Variants in ADGRB3 observed in about 807,000 individuals in gnomAD.
The protein encoded by ADGRB3 is brain-specific angiogenesis inhibitor 3.
ADGRB3 carries 37 observed loss-of-function variants against 193.4 expected under a neutral mutation model. The observed-to-expected ratio is 0.19, with a 90% confidence interval of 0.15 to 0.25. The LOEUF (loss-of-function observed/expected upper bound fraction) is 0.25. ADGRB3 is among the 10% of genes least tolerant of loss of function. The pLI, the probability that ADGRB3 is intolerant of heterozygous loss-of-function variation, is 1.00. For synonymous variants in ADGRB3, 690 were observed against 644.2 expected, an observed-to-expected ratio of 1.07 and a Z score of -1.08; for missense variants, 1,637 against 1,852.9, an observed-to-expected ratio of 0.88 and a Z score of 2.14.
chr6:68,852,175 CAT>C (rs978977987), intron 3 of ADGRB3, among the ~76,000 whole-genome samples: 4 of 151,828 alleles, frequency 2.6e-5, no homozygotes, highest in Non-Finnish European at 4.4e-5. Flanking sequence ...TCAAATACCA[CAT>C]ACTTACAAAT....
chr6:69,062,428 G>A (rs752297662), intron 15 of ADGRB3, among the ~76,000 whole-genome samples: 1 of 151,826 alleles, frequency 6.6e-6, no homozygotes, highest in African/African-American at 2.4e-5. Context: ...TCAATAATTA[G>A]CAACAGCATT....
intron 3 of ADGRB3, among the ~76,000 whole-genome samples, chr6:68,876,696 G>A (rs1359854169): frequency 6.6e-6 from 1 of 152,074 alleles, no homozygotes; most frequent in African/African-American, 2.4e-5. Flanking sequence ...TGTACCAAAA[G>A]CAACATTTCA....
chr6:68,680,732 G>A (rs1486979177), intron 3 of ADGRB3, among the ~76,000 whole-genome samples: 2 of 152,120 alleles, frequency 1.3e-5, no homozygotes, highest in Non-Finnish European at 2.9e-5. Context: ...AGATAAGTAG[G>A]TAAATCATAC....
intron 3 of ADGRB3, among the ~76,000 whole-genome samples, chr6:68,710,828 A>C (rs536153741): frequency 1.3e-5 from 2 of 152,170 alleles, no homozygotes; most frequent in African/African-American, 2.4e-5. Context: ...CTTTACGGGA[A>C]TTGAACTCCT....
intron 17 of ADGRB3, among the ~76,000 whole-genome samples, chr6:69,141,287 C>T (rs900790250): frequency 2.6e-5 from 4 of 151,976 alleles, no homozygotes; most frequent in Non-Finnish European, 5.9e-5. Context: ...CCATGCCCGG[C>T]TAATTTTTTG....
chr6:68,983,756 A>C (rs999300299), intron 10 of ADGRB3, among the ~76,000 whole-genome samples: 1 of 152,054 alleles, frequency 6.6e-6, no homozygotes, highest in Non-Finnish European at 1.5e-5. Context: ...AATAATTACA[A>C]ATTCTTATAT....
intron 3 of ADGRB3, among the ~76,000 whole-genome samples, chr6:68,691,532 A>G (rs1765072491): frequency 6.6e-6 from 1 of 152,048 alleles, no homozygotes; most frequent in Non-Finnish European, 1.5e-5. Context: ...TAGTGTATTT[A>G]AAATTATGAT....
At chr6:69,261,515 G>A (rs117267442) in intron 20 of ADGRB3, among the ~76,000 whole-genome samples, 2,937 of 152,096 alleles carry the variant, frequency 0.019, 49 homozygotes, top group Non-Finnish European at 0.031. Context: ...TTTGAAAATT[G>A]TAGAGCCTCA....
intron 20 of ADGRB3, among the ~76,000 whole-genome samples, chr6:69,323,059 A>G (rs1768496145): frequency 6.6e-6 from 1 of 152,036 alleles, no homozygotes. Context: ...TACAGAAAGT[A>G]AATGTTAAAA....
At chr6:69,248,597 A>G (rs563197397) in intron 20 of ADGRB3, among the ~76,000 whole-genome samples, 1 of 152,354 alleles carries the variant, frequency 6.6e-6, no homozygotes, top group African/African-American at 2.4e-5. Context: ...CTTTTGTTGT[A>G]AAGGGCCATA....
At chr6:68,672,932 C>T in intron 3 of ADGRB3, among the ~76,000 whole-genome samples, 1 of 152,072 alleles carries the variant, frequency 6.6e-6, no homozygotes, top group Non-Finnish European at 1.5e-5. Context: ...GCAATATCAA[C>T]TCTTCCCTGC....
chr6:68,949,558 C>T (rs1286423622), intron 6 of ADGRB3, among the ~76,000 whole-genome samples: 1 of 152,110 alleles, frequency 6.6e-6, no homozygotes, highest in Non-Finnish European at 1.5e-5. Flanking sequence ...TGCAGGGTGC[C>T]CTTCTGGTGA....
intron 3 of ADGRB3, among the ~76,000 whole-genome samples, chr6:68,687,745 A>C (rs1765009317): frequency 6.6e-6 from 1 of 152,310 alleles, no homozygotes; most frequent in East Asian, 1.9e-4. Flanking sequence ...TGTAACTCAC[A>C]CAGATAAATG....
chr6:68,716,343 A>G (rs1318531687), intron 3 of ADGRB3, among the ~76,000 whole-genome samples: 1 of 151,694 alleles, frequency 6.6e-6, no homozygotes, highest in Non-Finnish European at 1.5e-5. Flanking sequence ...GAAAGATTGA[A>G]TTGTTATTAT....
rs369302716 is a variant in ADGRB3, at chr6:69,284,314, C to G, written c.2815-40558C>G. On this transcript the variant is annotated intron_variant, in intron 20 of 31. Transcript: ENST00000370598. ...CATAGTCATCGTATTTTTTCCACTA[C>G]ATTTGTAGTCCAGGCTTCCTCTTGA... 1.6e-4 allele frequency among the ~76,000 whole-genome samples: 24 copies of G among 152,258 alleles called. 1 individual carries two copies. The South Asian group carries it at 4.8e-3, about 30-fold the overall frequency.
At chr6:69,302,632 A>G (rs1767971250) in intron 20 of ADGRB3, among the ~76,000 whole-genome samples, 2 of 151,978 alleles carry the variant, frequency 1.3e-5, no homozygotes, top group Non-Finnish European at 2.9e-5. Flanking sequence ...TACTCTATGG[A>G]AAGGATTTCA....
chr6:69,338,912 G>T lies in ADGRB3; in HGVS notation c.3189-4G>T, dbSNP rs76401347. The T allele has an allele frequency of 6.2e-7, 1 of 1,610,846 alleles. No homozygotes were observed. Among genetic ancestry groups the T allele is most frequent in the Admixed American group, 1.7e-5 (1 of 59,600 alleles). ...CTTTTTGTGGGTGTTCTGTTTGTTT[G>T]CAGTCAGATGAGTGAGCCTCATAGC... On this transcript the variant is annotated splice_polypyrimidine_tract_variant and splice_region_variant and intron_variant, in intron 24 of 31. Coordinates refer to ENST00000370598, the MANE Select transcript of ADGRB3 (RefSeq NM_001704.3).
chr6:69,110,340 TAAAG>T (rs1489002192), intron 17 of ADGRB3, among the ~76,000 whole-genome samples: 1 of 152,218 alleles, frequency 6.6e-6, no homozygotes, highest in Non-Finnish European at 1.5e-5. Context: ...TGTGCTGAGT[TAAAG>T]ATAGAATAAG....
chr6:68,723,421 C>T (rs1255347254), intron 3 of ADGRB3, among the ~76,000 whole-genome samples: 2 of 151,678 alleles, frequency 1.3e-5, no homozygotes, highest in East Asian at 1.9e-4. Flanking sequence ...ACCTGGTAAG[C>T]GACAGTTCGA....
Sources: allele counts gnomAD v4.1 joint callset (sites outside exome capture counted in the v4.1 genomes callset), GRCh38; gene constraint gnomAD v4.1.1; transcripts MANE v1.5; gene names NCBI Gene and HGNC (gene_info 2026-07-23, HGNC 2026-07-21).